NTM: variants seen among roughly 807,000 people sequenced by gnomAD.
NTM encodes IgLON family member 2.
Under a neutral mutation model 42.1 loss-of-function variants are expected in NTM, and 13 were observed. That is an observed-to-expected ratio of 0.31 (90% CI 0.20 to 0.49). The LOEUF is 0.49. Among genes scored for constraint, NTM ranks in the 20% least tolerant of loss-of-function variants. The pLI is 0.99. For missense variants in NTM, 373 were observed against 452.8 expected, an observed-to-expected ratio of 0.82 and a Z score of 1.60; for synonymous variants, 187 against 179.2, an observed-to-expected ratio of 1.04 and a Z score of -0.35.
intron 2 of NTM, among the ~76,000 whole-genome samples, chr11:131,943,384 G>A (rs928704134): frequency 6.6e-6 from 1 of 152,214 alleles, no homozygotes; most frequent in African/African-American, 2.4e-5. Context: ...CGGCTCTGCT[G>A]CCCTGCAGCA....
intron 1 of NTM, among the ~76,000 whole-genome samples, chr11:131,672,617 T>C (rs2070536160): frequency 1.3e-5 from 2 of 152,190 alleles, no homozygotes; most frequent in African/African-American, 4.8e-5. Context: ...ATTAATTGTA[T>C]GACAGAATGT....
intron 1 of NTM, among the ~76,000 whole-genome samples, chr11:131,876,594 C>A (rs2048572445): frequency 6.6e-6 from 1 of 152,208 alleles, no homozygotes; most frequent in South Asian, 2.1e-4. Flanking sequence ...CAAATTCTGC[C>A]ATTGGAAGGC....
intron 1 of NTM, among the ~76,000 whole-genome samples, chr11:131,846,682 A>G (rs954910720): frequency 1.1e-4 from 17 of 152,100 alleles, no homozygotes; most frequent in Admixed American, 5.2e-4. Context: ...TAAATAGTAC[A>G]TATTCCATGT....
intron 1 of NTM, among the ~76,000 whole-genome samples, chr11:131,539,978 G>A (rs1405324362): frequency 3.9e-5 from 6 of 152,130 alleles, no homozygotes. Flanking sequence ...GTTCCAGGCA[G>A]GCGGGCAGTT....
chr11:131,690,692 C>T (rs1411637718), intron 1 of NTM, among the ~76,000 whole-genome samples: 2 of 152,238 alleles, frequency 1.3e-5, no homozygotes, highest in Non-Finnish European at 2.9e-5. Flanking sequence ...CAGTGAGAAG[C>T]AGCCTGGGGT....
At chr11:131,878,740 G>C (rs964003467) in intron 1 of NTM, among the ~76,000 whole-genome samples, 1 of 149,816 alleles carries the variant, frequency 6.7e-6, no homozygotes, top group African/African-American at 2.5e-5. Context: ...TTATTCTTTA[G>C]ACAGGAAAAA....
intron 4 of NTM, among the ~76,000 whole-genome samples, chr11:132,226,044 ATCC>A (rs2086197298): frequency 6.6e-6 from 1 of 152,134 alleles, no homozygotes; most frequent in Non-Finnish European, 1.5e-5. Flanking sequence ...ACATGAACTC[ATCC>A]TTTTTATGGC....
intron 4 of NTM, among the ~76,000 whole-genome samples, chr11:132,226,969 G>A (rs147741367): frequency 6.6e-6 from 1 of 152,248 alleles, no homozygotes; most frequent in East Asian, 1.9e-4. Context: ...AAAGACTTTG[G>A]TCCTTTAGAT....
Position 131,885,812 on chromosome 11 carries a change from C to T in NTM, c.83-25752C>T, listed in dbSNP as rs116817165. Among the ~76,000 whole-genome samples, 624 of 152,330 alleles carry T rather than the reference C, an allele frequency of 4.1e-3. 2 individuals are homozygous for T. The highest frequency in any genetic ancestry group is 0.014 in the African/African-American group (594 of 41,566). ...GGGCCCAGGTTCCTTATCTCCAGTG[C>T]AAGTGTGAGCAGACTTTCTGCTTAG... On this transcript the variant is annotated intron_variant, in intron 1 of 8. Coordinates refer to ENST00000683400, the MANE Select transcript of NTM (RefSeq NM_001352005.2).
rs61142048 is a variant in NTM, at chr11:132,336,671, CT to C, written c.*1537del. ...GAAGAAAATGCAATTTTTAGGTAAT[CT>C]TTTTTTTTTTTCCCCTCCCCTGAAA... On this transcript the variant is annotated 3_prime_UTR_variant, in exon 9 of 9. Transcript: ENST00000683400. The C allele has an allele frequency of 0.14, 19,835 of 144,016 alleles. 1,483 individuals are homozygous for C. Among genetic ancestry groups the C allele is most frequent in the South Asian group, 0.31 (1,405 of 4,542 alleles). 8.9% of individuals were successfully genotyped at this position (144,016 alleles called of 1,614,324 possible).
intron 2 of NTM, among the ~76,000 whole-genome samples, chr11:131,966,272 G>C (rs1477917537): frequency 6.6e-6 from 1 of 152,112 alleles, no homozygotes; most frequent in African/African-American, 2.4e-5. Context: ...TGCAGTAAAG[G>C]CACAGCTATG....
chr11:131,506,816 T>C (rs867215662), intron 1 of NTM, among the ~76,000 whole-genome samples: 1 of 152,188 alleles, frequency 6.6e-6, no homozygotes, highest in Admixed American at 6.5e-5. Flanking sequence ...CCTAAGGATA[T>C]CTACCAAAAG....
At chr11:132,137,486 T>C (rs1566268408) in intron 2 of NTM, among the ~76,000 whole-genome samples, 1 of 152,228 alleles carries the variant, frequency 6.6e-6, no homozygotes, top group Non-Finnish European at 1.5e-5. Flanking sequence ...ATGCAGACTC[T>C]TTCTTTCACG....
At chr11:131,585,467 C>G (rs974761111) in intron 1 of NTM, among the ~76,000 whole-genome samples, 1 of 152,138 alleles carries the variant, frequency 6.6e-6, no homozygotes, top group African/African-American at 2.4e-5. Flanking sequence ...AGAGGGGACC[C>G]CCCAGCAGGA....
chr11:131,459,560 C>T (rs774558039), intron 1 of NTM, among the ~76,000 whole-genome samples: 1 of 152,190 alleles, frequency 6.6e-6, no homozygotes, highest in Non-Finnish European at 1.5e-5. Context: ...ACCGCATTCA[C>T]TGGAAACAAG....
intron 3 of NTM, among the ~76,000 whole-genome samples, chr11:132,175,506 T>C (rs924597250): frequency 6.6e-6 from 1 of 152,212 alleles, no homozygotes; most frequent in Admixed American, 6.5e-5. Context: ...TTCAGAGTTG[T>C]TGGGGAGGCT....
chr11:132,298,246 C>A (rs760342442), intron 4 of NTM, among the ~76,000 whole-genome samples: 4 of 152,192 alleles, frequency 2.6e-5, no homozygotes, highest in Admixed American at 2.0e-4. Context: ...TATGACATTG[C>A]GGAGTGCTAT....
rs530105821 is a variant in NTM, at chr11:131,557,781, A to T, written c.82+186893A>T. ...GGGTATGGGGTGGGAGTGGAGGGTG[A>T]GTAGTGGTCTGTCATGGCTGTATCT... On this transcript the variant is annotated intron_variant, in intron 1 of 8. Transcript: ENST00000683400. Among the ~76,000 whole-genome samples the T allele has an allele frequency of 2.0e-3, 303 of 152,086 alleles. 4 individuals are homozygous for T. The highest frequency in any genetic ancestry group is 0.018 in the Admixed American group (269 of 15,240).
chr11:132,093,271 T>C (rs1000570069), intron 2 of NTM, among the ~76,000 whole-genome samples: 6 of 152,202 alleles, frequency 3.9e-5, no homozygotes, highest in African/African-American at 1.2e-4. Flanking sequence ...CCATGTTCTC[T>C]CTTGCATCTA....
Sources: allele counts gnomAD v4.1 joint callset (sites outside exome capture counted in the v4.1 genomes callset), GRCh38; gene constraint gnomAD v4.1.1; transcripts MANE v1.5; gene names NCBI Gene and HGNC (gene_info 2026-07-23, HGNC 2026-07-21).